TEX2: variants seen among roughly 807,000 people sequenced by gnomAD.
TEX2 encodes the protein testis expressed 2, also known as testis-expressed protein 2.
In TEX2, 53 loss-of-function variants were observed where a neutral mutation model predicts 106.9. The observed-to-expected ratio is 0.50, with a 90% CI of 0.40 to 0.62. TEX2 has a LOEUF of 0.62. Among genes scored for constraint, TEX2 ranks in the 20% least tolerant of loss-of-function variants. The pLI is 0.00. For missense variants in TEX2, 1,207 were observed against 1,379.0 expected, an observed-to-expected ratio of 0.88 and a Z score of 1.98; for synonymous variants, 523 against 534.8, an observed-to-expected ratio of 0.98 and a Z score of 0.30.
At position 64,193,652 on chromosome 17, in the gene TEX2, G is replaced by A. The variant is rs369050753; in HGVS notation, c.2083C>T (p.Arg695Ter). 1.9e-6 allele frequency: 3 copies of A among 1,558,488 alleles called. No homozygotes were observed. Among genetic ancestry groups the A allele is most frequent in the African/African-American group, 1.4e-5 (1 of 72,466 alleles). The change falls in exon 4 of 12, where the codon CGA becomes TGA. Residue 695 changes from arginine (R) to a stop codon, truncating the protein, a stop_gained. Transcript: ENST00000584379. LOFTEE classifies it high-confidence loss of function. ...QILYLFGRTG[R>*]EKEEWFRRFI... is the part of the protein sequence containing the mutation. Reference sequence around the variant, plus strand: ...CTCCTAAACCATTCCTCTTTTTCTCGGCCAGTTCTCCCAAAGAGATAGAGT... The same window carrying A: ...CTCCTAAACCATTCCTCTTTTTCTCAGCCAGTTCTCCCAAAGAGATAGAGT...
At chr17:64,230,501 C>T (rs1278418240) in intron 1 of TEX2, 6 of 152,328 alleles carry the variant, frequency 3.9e-5, no homozygotes, top group Admixed American at 1.3e-4. Flanking sequence ...CCCCACCCAA[C>T]TCTACCTCTG....
intron 6 of TEX2, among the ~76,000 whole-genome samples, chr17:64,176,441 G>C (rs2031620765): frequency 6.6e-6 from 1 of 152,146 alleles, no homozygotes; most frequent in Non-Finnish European, 1.5e-5. Context: ...GGATATCATA[G>C]GCTTCTGCTT....
chr17:64,164,100 C>T (rs1161266783), intron 7 of TEX2, among the ~76,000 whole-genome samples: 1 of 152,050 alleles, frequency 6.6e-6, no homozygotes, highest in African/African-American at 2.4e-5. Flanking sequence ...AGAGGTTGTC[C>T]AGTGGTAACC....
Position 64,213,142 on chromosome 17 carries a change from C to T in TEX2, c.1076G>A (p.Gly359Glu), listed in dbSNP as rs782197392. ...EECDSEGDGY[G>E]SDSNIPRSDH... ...ACTTCTGGGGATGTTGGAATCACTTCCGTAGCCATCCCCCTCAGAATCACA... is the reference window on the plus strand; with the variant it reads ...ACTTCTGGGGATGTTGGAATCACTTTCGTAGCCATCCCCCTCAGAATCACA... The change falls in exon 2 of 12, where the codon GGA becomes GAA. Residue 359 changes from glycine to glutamate, a missense_variant. This residue lies in a region of TEX2 where 1,067 missense variants were observed against 1,193.6 expected (regional missense o/e 0.89). Transcript: ENST00000584379. This position sits in a 1 kb window ranked among gnomAD's most constrained non-coding sequence, Gnocchi z 4.4. 2.4e-5 allele frequency: 38 copies of T among 1,614,064 alleles called. No individual in the cohort carries two copies. Among genetic ancestry groups the T allele is most frequent in the Admixed American group, 2.2e-4 (13 of 60,010 alleles).
chr17:64,245,871 C>T (rs1211562051), intron 1 of TEX2, among the ~76,000 whole-genome samples: 2 of 152,176 alleles, frequency 1.3e-5, no homozygotes, highest in Non-Finnish European at 2.9e-5. Context: ...ATTTAAAATC[C>T]ACAGTGCTGA....
chr17:64,209,469 GA>G (rs1695963619), intron 2 of TEX2, among the ~76,000 whole-genome samples: 1 of 152,090 alleles, frequency 6.6e-6, no homozygotes, highest in African/African-American at 2.4e-5. Context: ...GGCTAAGAAT[GA>G]AAAAAGAATT....
intron 2 of TEX2, among the ~76,000 whole-genome samples, chr17:64,207,786 A>C (rs2032879287): frequency 6.7e-6 from 1 of 148,852 alleles, no homozygotes; most frequent in Admixed American, 6.8e-5. Flanking sequence ...CTCAGGCTGG[A>C]GGGCAGTGGT....
At chr17:64,227,809 T>C (rs547210040) in intron 1 of TEX2, among the ~76,000 whole-genome samples, 1 of 152,352 alleles carries the variant, frequency 6.6e-6, no homozygotes, top group Admixed American at 6.5e-5. Context: ...GAATGGCAAC[T>C]GACTGTTCAG....
chr17:64,255,209 C>T (rs905168674), intron 1 of TEX2, among the ~76,000 whole-genome samples: 1 of 152,030 alleles, frequency 6.6e-6, no homozygotes, highest in Non-Finnish European at 1.5e-5. Flanking sequence ...AGTACAGTTG[C>T]TACTTAGTAA....
chr17:64,209,637 A>T (rs1009236875), intron 2 of TEX2, among the ~76,000 whole-genome samples: 1 of 152,248 alleles, frequency 6.6e-6, no homozygotes. Flanking sequence ...CACTGTGGGC[A>T]AAACACCTTC....
At chr17:64,212,293 AG>A (rs1475839139) in intron 2 of TEX2, among the ~76,000 whole-genome samples, 3 of 152,192 alleles carry the variant, frequency 2.0e-5, no homozygotes, top group Non-Finnish European at 4.4e-5. Context: ...GCACATTCCA[AG>A]TAAGTTTAGA....
chr17:64,168,062 T>C (rs1467094887), intron 7 of TEX2, among the ~76,000 whole-genome samples: 1 of 151,800 alleles, frequency 6.6e-6, no homozygotes, highest in Non-Finnish European at 1.5e-5. Context: ...TTAAAAAGAA[T>C]GTGAGGGGAT....
At chr17:64,181,471 TCAAAAAAAAAA>T (rs1460051532) in intron 5 of TEX2, among the ~76,000 whole-genome samples, 4 of 117,424 alleles carry the variant, frequency 3.4e-5, no homozygotes, top group Non-Finnish European at 5.3e-5. Context: ...CAAGGCTATC[TCAAAAAAAAAA>T]AAAAAAAAAA....
intron 7 of TEX2, among the ~76,000 whole-genome samples, chr17:64,162,147 T>G (rs1267050490): frequency 6.6e-6 from 1 of 152,238 alleles, no homozygotes; most frequent in Non-Finnish European, 1.5e-5. Flanking sequence ...TCAATTGTGA[T>G]TATCTTCTTT....
chr17:64,165,550 C>G (rs2031093790), intron 7 of TEX2, among the ~76,000 whole-genome samples: 1 of 152,260 alleles, frequency 6.6e-6, no homozygotes, highest in Non-Finnish European at 1.5e-5. Flanking sequence ...TGCTCAGGCC[C>G]AGGCAGCCCC....
intron 8 of TEX2, among the ~76,000 whole-genome samples, chr17:64,159,160 G>A (rs1382990807): frequency 6.6e-6 from 1 of 152,192 alleles, no homozygotes; most frequent in Non-Finnish European, 1.5e-5. Flanking sequence ...AAGCACCTCA[G>A]GGACCGGCCT....
intron 2 of TEX2, among the ~76,000 whole-genome samples, chr17:64,210,264 A>G (rs1288651300): frequency 6.6e-6 from 1 of 152,226 alleles, no homozygotes; most frequent in East Asian, 1.9e-4. Context: ...TGTCACATCC[A>G]CAAGACTCAA....
intron 2 of TEX2, among the ~76,000 whole-genome samples, chr17:64,210,661 C>CTTTTTTTT (rs1555631409): frequency 2.4e-5 from 1 of 40,948 alleles, no homozygotes; most frequent in African/African-American, 1.0e-4. Context: ...TTTTTTTTTG[C>CTTTTTTTT]AATAGGGACA....
chr17:64,240,952 G>A (rs930669162), intron 1 of TEX2, among the ~76,000 whole-genome samples: 1 of 152,224 alleles, frequency 6.6e-6, no homozygotes, highest in Non-Finnish European at 1.5e-5. Flanking sequence ...ATCATTGGCA[G>A]TATTATACTG....
Sources: allele counts gnomAD v4.1 joint callset (sites outside exome capture counted in the v4.1 genomes callset), GRCh38; gene constraint gnomAD v4.1.1; regional missense constraint gnomAD v4.1.1; non-coding constraint Gnocchi (gnomAD v3.1); transcripts MANE v1.5; gene names NCBI Gene and HGNC (gene_info 2026-07-23, HGNC 2026-07-21).